The following CEP164 variants were observed in gnomAD, a reference collection of about 807,000 sequenced individuals.
CEP164 encodes the protein centrosomal protein of 164 kDa.
CEP164 carries 162 observed loss-of-function variants against 182.7 expected under a neutral mutation model. That is an observed-to-expected ratio of 0.89 (90% CI 0.78 to 1.01). The LOEUF (loss-of-function observed/expected upper bound fraction) is 1.01. Among genes scored for constraint, CEP164 ranks in the 50% least tolerant of loss-of-function variants. The pLI is 0.00. For synonymous variants in CEP164, 661 were observed against 690.0 expected, an observed-to-expected ratio of 0.96 and a Z score of 0.66; for missense variants, 1,735 against 1,790.4, an observed-to-expected ratio of 0.97 and a Z score of 0.56.
intron 27 of CEP164, among the ~76,000 whole-genome samples, chr11:117,400,807 G>C (rs2136627097): frequency 6.6e-6 from 1 of 152,266 alleles, no homozygotes. Flanking sequence ...TGGTGTATAG[G>C]AATGCTTATA....
intron 5 of CEP164, among the ~76,000 whole-genome samples, chr11:117,352,743 C>T (rs190684222): frequency 7.2e-4 from 109 of 152,260 alleles, no homozygotes; most frequent in African/African-American, 2.4e-3. Context: ...TCCGCCACCA[C>T]GCCTGGCTAA....
rs1416554475 is a variant in CEP164, at chr11:117,395,184, A to G, written c.2906A>G (p.Lys969Arg). 7 of 1,613,612 alleles carry G rather than the reference A, an allele frequency of 4.3e-6. No homozygotes were observed. The highest frequency in any genetic ancestry group is 5.9e-6 in the Non-Finnish European group (7 of 1,179,970). Residue 969 changes from lysine (K) to arginine (R), a missense_variant, in exon 23 of 33, where the codon AAG (lysine) becomes AGG (arginine). Physicochemically the swap from Lys to Arg is conservative, Grantham distance 26 (BLOSUM62 2). Transcript: ENST00000278935. ...LLDVQRQVAL[K>R]SEEATATHQQ... ...GATGTGCAGAGGCAGGTTGCTCTGA[A>G]GAGTGAGGTTTGTCTCCCTGTTTTG... is the stretch of plus-strand genomic sequence containing the variant.
At position 117,396,111 on chromosome 11, in the gene CEP164, G is replaced by A. The variant is rs575735586; in HGVS notation, c.3147G>A (p.Glu1049=). Reference sequence around the variant, plus strand: ...ACCTGTTGAGAGAAGTGACAGTTGAGGAAAATAATGCTTCCCCACATTTTG... The same window carrying A: ...ACCTGTTGAGAGAAGTGACAGTTGAAGAAAATAATGCTTCCCCACATTTTG... ...KQHLLREVTV[E]ENNASPHFEP... is the part of the protein sequence containing the mutation. The change falls in exon 25 of 33, where the codon GAG becomes GAA. Residue 1049 remains glutamate, a synonymous_variant. Coordinates refer to ENST00000278935, the MANE Select transcript of CEP164 (RefSeq NM_014956.5). 409 of 1,611,654 alleles carry A rather than the reference G, an allele frequency of 2.5e-4. 1 individual carries two copies. In the South Asian group the frequency reaches 3.9e-3, roughly 15 times the overall value.
intron 27 of CEP164, among the ~76,000 whole-genome samples, chr11:117,398,415 G>C (rs983172488): frequency 2.0e-5 from 3 of 152,186 alleles, no homozygotes; most frequent in African/African-American, 7.2e-5. Flanking sequence ...TGGGGGTCTG[G>C]AGGACGGTGG....
At chr11:117,333,448 C>G (rs972709091) in intron 1 of CEP164, among the ~76,000 whole-genome samples, 18 of 152,232 alleles carry the variant, frequency 1.2e-4, no homozygotes, top group Non-Finnish European at 2.1e-4. Flanking sequence ...TCCAATCTGG[C>G]CTCCGCTTTA....
chr11:117,345,899 C>G (rs552402662), intron 4 of CEP164, among the ~76,000 whole-genome samples: 3 of 152,290 alleles, frequency 2.0e-5, no homozygotes, highest in African/African-American at 7.2e-5. Context: ...GTTGGCCAGG[C>G]TGGCCTCAAA....
chr11:117,351,680 C>T (rs1450272790), intron 4 of CEP164, 110 bp from the exon 5 acceptor site: 1 of 982,960 alleles, frequency 1.0e-6, no homozygotes, highest in Non-Finnish European at 1.5e-6. Flanking sequence ...TTCCACCCCA[C>T]TCTCTTCCTC....
intron 1 of CEP164, among the ~76,000 whole-genome samples, chr11:117,334,389 G>A (rs1285805739): frequency 1.3e-5 from 2 of 152,178 alleles, no homozygotes; most frequent in African/African-American, 4.8e-5. Flanking sequence ...AAAGAAGGTA[G>A]AATACAACCC....
chr11:117,378,016 A>G (rs565098690), intron 11 of CEP164, among the ~76,000 whole-genome samples: 1 of 148,780 alleles, frequency 6.7e-6, no homozygotes, highest in Non-Finnish European at 1.5e-5. Flanking sequence ...ATCCACCACC[A>G]TGCCCGGCTA....
chr11:117,322,139 G>T (rs1247833772), intron 1 of CEP164, among the ~76,000 whole-genome samples: 1 of 152,032 alleles, frequency 6.6e-6, no homozygotes, highest in African/African-American at 2.4e-5. Flanking sequence ...TTTTTGAGGT[G>T]GAGTCTCGCT....
intron 1 of CEP164, among the ~76,000 whole-genome samples, chr11:117,333,202 C>CAG (rs10665157): frequency 0.71 from 107,995 of 151,760 alleles, 38,581 homozygotes; most frequent in East Asian, 0.81. Context: ...TTTGTAGAGA[C>CAG]GGTCTCACTA....
At chr11:117,348,174 G>A (rs190333749) in intron 4 of CEP164, among the ~76,000 whole-genome samples, 266 of 152,158 alleles carry the variant, frequency 1.7e-3, no homozygotes, top group Non-Finnish European at 3.4e-3. Flanking sequence ...GTTATGCCAT[G>A]TTGCTCAGGG....
At position 117,411,755 on chromosome 11, in the gene CEP164, C is replaced by G; in HGVS notation, c.4164-40C>G. On this transcript the variant is annotated intron_variant, in intron 31 of 32. Transcript: ENST00000278935. The surrounding 1 kb of genome is among the most constrained non-coding windows in gnomAD (Gnocchi z 4.4). ...TGTGCATCCTCTGTCACTTCCGCGC[C>G]TCCTCTCTCCCCTCGCCATGCTCTC... The G allele has an allele frequency of 6.2e-7, 1 of 1,612,736 alleles. No homozygotes were observed. Among genetic ancestry groups the G allele is most frequent in the Non-Finnish European group, 8.5e-7 (1 of 1,179,318 alleles).
chr11:117,353,142 C>T (rs753101126), intron 5 of CEP164, among the ~76,000 whole-genome samples: 1 of 152,142 alleles, frequency 6.6e-6, no homozygotes, highest in East Asian at 1.9e-4. Flanking sequence ...GAACTCAGCT[C>T]AGCCAGTGGG....
At chr11:117,362,125 G>C in intron 6 of CEP164, 132 bp downstream of exon 6, 1 of 936,738 alleles carries the variant, frequency 1.1e-6, no homozygotes. Context: ...ATCCAGTTGG[G>C]AAAATGTAAT....
intron 1 of CEP164, among the ~76,000 whole-genome samples, chr11:117,334,130 G>T (rs567255037): frequency 6.6e-6 from 1 of 152,232 alleles, no homozygotes; most frequent in East Asian, 1.9e-4. Flanking sequence ...CTTCCCAGAC[G>T]AGCTCAAGAG....
At chr11:117,375,172 T>C (rs2042606297) in intron 10 of CEP164, among the ~76,000 whole-genome samples, 2 of 152,214 alleles carry the variant, frequency 1.3e-5, no homozygotes, top group African/African-American at 4.8e-5. Context: ...TGGCATCTCT[T>C]CTCATGCCTG....
chr11:117,371,252 A>G lies in CEP164; in HGVS notation c.938A>G (p.Lys313Arg). ...GGAGCAAGACCTGGTCTTCCAGAAA[A>G]AGAGGAAAATGAGAAGAGTGAACCT... ...GSGARPGLPE[K>R]EENEKSEPKI... The change falls in exon 9 of 33, where the codon AAA (lysine) becomes AGA (arginine). Residue 313 changes from lysine (K) to arginine (R), a missense_variant. Physicochemically the swap from Lys to Arg is conservative, Grantham distance 26. Transcript: ENST00000278935. 1 of 1,614,246 alleles carries G rather than the reference A, an allele frequency of 6.2e-7. No homozygotes were observed.
Position 117,394,423 on chromosome 11 carries a change from G to C in CEP164, c.2690G>C (p.Arg897Pro). The C allele has an allele frequency of 6.2e-7, 1 of 1,613,952 alleles. No homozygotes were observed. The highest frequency in any genetic ancestry group is 1.1e-5 in the South Asian group (1 of 91,002). ...GAGCGCCTGCAGAGGGCCCATGAAC[G>C]AGAACTGGAGACTGTGAGGCAGGAG... ...ELERLQRAHERELETVRQEQH... is the reference protein window; with the variant it reads ...ELERLQRAHEPELETVRQEQH... The change falls in exon 21 of 33, where the codon CGA (arginine) becomes CCA (proline). Residue 897 changes from arginine (R) to proline (P), a missense_variant. Transcript: ENST00000278935. The surrounding 1 kb of genome is among the most constrained non-coding windows in gnomAD (Gnocchi z 4.0).
Sources: allele counts gnomAD v4.1 joint callset (sites outside exome capture counted in the v4.1 genomes callset), GRCh38; gene constraint gnomAD v4.1.1; non-coding constraint Gnocchi (gnomAD v3.1); transcripts MANE v1.5; gene names NCBI Gene and HGNC (gene_info 2026-07-23, HGNC 2026-07-21).